KCNH6: variants seen among roughly 807,000 people sequenced by gnomAD.
KCNH6 encodes voltage-gated inwardly rectifying potassium channel KCNH6.
KCNH6 carries 81 observed loss-of-function variants against 83.4 expected under a neutral mutation model. The observed-to-expected ratio is 0.97, with a 90% CI of 0.81 to 1.17. The LOEUF is 1.17. Ranked by LOEUF, KCNH6 falls within the 50% of genes most tolerant of loss-of-function variation. The pLI is 0.00. For missense variants in KCNH6, 1,203 were observed against 1,290.5 expected, an observed-to-expected ratio of 0.93 and a Z score of 1.04; for synonymous variants, 503 against 545.6, an observed-to-expected ratio of 0.92 and a Z score of 1.09.
At chr17:63,536,970 A>T (rs1165199893) in intron 6 of KCNH6, among the ~76,000 whole-genome samples, 1 of 151,686 alleles carries the variant, frequency 6.6e-6, no homozygotes. Flanking sequence ...AAAAAAAAAA[A>T]AAAAAAAGAA....
rs2147665180 is a variant in KCNH6, at chr17:63,533,369, C to T, written c.676-517C>T. Reference sequence around the variant, plus strand: ...TTTCCATGGGAGGCTCTGAGTTGGCCTCAGAGAGGGCACTCACTGGTCCTG... The same window carrying T: ...TTTCCATGGGAGGCTCTGAGTTGGCTTCAGAGAGGGCACTCACTGGTCCTG... On this transcript the variant is annotated intron_variant, in intron 4 of 12. Coordinates refer to ENST00000314672, the MANE Select transcript of KCNH6 (RefSeq NM_001278919.2). The surrounding 1 kb of genome is among the most constrained non-coding windows in gnomAD (Gnocchi z 4.1). Among the ~76,000 whole-genome samples, 1 of 152,164 alleles carries T rather than the reference C, an allele frequency of 6.6e-6. No homozygotes were observed. The highest frequency in any genetic ancestry group is 3.4e-3 in the Middle Eastern group (1 of 294).
At chr17:63,542,710 A>G (rs1271247255) in intron 9 of KCNH6, among the ~76,000 whole-genome samples, 2 of 152,238 alleles carry the variant, frequency 1.3e-5, no homozygotes, top group Non-Finnish European at 2.9e-5. Flanking sequence ...TGAGGATTAG[A>G]GACAATAAAT....
At chr17:63,532,255 C>T (rs893656258) in intron 4 of KCNH6, among the ~76,000 whole-genome samples, 4 of 152,216 alleles carry the variant, frequency 2.6e-5, no homozygotes, top group African/African-American at 7.2e-5. Flanking sequence ...CCTTGTTTCA[C>T]CCTAGCAGGG....
rs1568069351 is a variant in KCNH6, at chr17:63,530,416, G to A, written c.549G>A (p.Gln183=). 1 of 1,614,248 alleles carries A rather than the reference G, an allele frequency of 6.2e-7. No homozygotes were observed. Among genetic ancestry groups the A allele is most frequent in the Non-Finnish European group, 8.5e-7 (1 of 1,180,046 alleles). ...GKYRTISQIP[Q]FTLNFVEFNL... The stretch of plus-strand genomic sequence containing the variant: ...ACAGGACCATCAGCCAGATCCCACA[G>A]TTCACGCTCAACTTCGTGGAGTTCA... Residue 183 remains glutamine (Q), a synonymous_variant, in exon 4 of 13, where the codon CAG becomes CAA. Transcript: ENST00000314672.
rs745671576 is a variant in KCNH6 at position 63,524,121 on chromosome 17, T to G, written c.77-18T>G. The stretch of plus-strand genomic sequence containing the variant: ...TCCTGGCTCCCATGGACTTTTTGCC[T>G]CCCACCTCCCACCCCAGGTCGGAAG... On this transcript the variant is annotated intron_variant, in intron 1 of 12. Transcript: ENST00000314672. 3.8e-6 allele frequency: 6 copies of G among 1,595,228 alleles called. No homozygotes were observed. Among genetic ancestry groups the G allele is most frequent in the Non-Finnish European group, 5.2e-6 (6 of 1,163,022 alleles).
chr17:63,535,646 T>G lies in KCNH6; in HGVS notation c.1102-23T>G, dbSNP rs1193400803. The G allele has an allele frequency of 2.5e-6, 4 of 1,578,432 alleles. No homozygotes were observed. The highest frequency in any genetic ancestry group is 1.3e-5 in the African/African-American group (1 of 74,418). On this transcript the variant is annotated intron_variant, in intron 5 of 12. Transcript: ENST00000314672. This position sits in a 1 kb window ranked among gnomAD's most constrained non-coding sequence, Gnocchi z 4.9. ...CTTCCAAGGGCTGACCCCAGCCCTG[T>G]GACCATTTCCCTACCCCTCCAGACC... is the stretch of plus-strand genomic sequence containing the variant.
downstream of KCNH6, among the ~76,000 whole-genome samples, chr17:63,547,562 CT>C (rs1348035880): frequency 7.2e-6 from 1 of 138,154 alleles, no homozygotes; most frequent in Non-Finnish European, 1.6e-5. Flanking sequence ...ATAATTCCCA[CT>C]TATTCCTCCC....
chr17:63,538,264 G>C lies in KCNH6; in HGVS notation c.1701G>C (p.Ala567=). ...ACACCAATGGCATTGACATGAACGC[G>C]GTGAGCCCCGCCGCTCCGGCTAATG... ...WSYTNGIDMN[A]VLKGFPECLQ... The change falls in exon 7 of 13, where the codon GCG becomes GCC. Residue 567 remains alanine (A), a splice_region_variant and synonymous_variant. Coordinates refer to ENST00000314672, the MANE Select transcript of KCNH6 (RefSeq NM_001278919.2). The surrounding 1 kb of genome is among the most constrained non-coding windows in gnomAD (Gnocchi z 4.0). 6.2e-7 allele frequency: 1 copy of C among 1,613,184 alleles called. No homozygotes were observed. The highest frequency in any genetic ancestry group is 8.5e-7 in the Non-Finnish European group (1 of 1,179,786).
Position 63,530,423 on chromosome 17 carries a change from C to T in KCNH6, c.556C>T (p.Leu186Phe), listed in dbSNP as rs1333666500. Reference sequence around the variant, plus strand: ...CATCAGCCAGATCCCACAGTTCACGCTCAACTTCGTGGAGTTCAACTTGGA... The same window carrying T: ...CATCAGCCAGATCCCACAGTTCACGTTCAACTTCGTGGAGTTCAACTTGGA... ...RTISQIPQFTLNFVEFNLEKH... is the reference protein window; with the variant it reads ...RTISQIPQFTFNFVEFNLEKH... Residue 186 changes from leucine (L) to phenylalanine (F), a missense_variant, in exon 4 of 13, where the codon CTC (leucine) becomes TTC (phenylalanine). By Grantham distance (22) the Leu-to-Phe change is conservative (BLOSUM62 0). Transcript: ENST00000314672. The T allele has an allele frequency of 5.6e-6, 9 of 1,614,244 alleles. No individual in the cohort carries two copies. Among genetic ancestry groups the T allele is most frequent in the Non-Finnish European group, 7.6e-6 (9 of 1,180,044 alleles).
downstream of KCNH6, among the ~76,000 whole-genome samples, chr17:63,547,240 TAA>T (rs1217613922): frequency 6.6e-6 from 1 of 151,578 alleles, no homozygotes; most frequent in Non-Finnish European, 1.5e-5. Flanking sequence ...AAAATAAAAA[TAA>T]AAAAAGAGGC....
At position 63,538,131 on chromosome 17, in the gene KCNH6, C is replaced by A; in HGVS notation, c.1568C>A (p.Ala523Glu). The A allele has an allele frequency of 5.0e-6, 8 of 1,614,152 alleles. No homozygotes were observed. The highest frequency in any genetic ancestry group is 6.8e-6 in the Non-Finnish European group (8 of 1,180,036). Reference sequence around the variant, plus strand: ...ATCCAGCGCCTGTACTCGGGCACCGCGCGCTACCACACGCAGATGCTGCGT... The same window carrying A: ...ATCCAGCGCCTGTACTCGGGCACCGAGCGCTACCACACGCAGATGCTGCGT... ...AIIQRLYSGTARYHTQMLRVK... is the reference protein window; with the variant it reads ...AIIQRLYSGTERYHTQMLRVK... The change falls in exon 7 of 13, where the codon GCG (alanine) becomes GAG (glutamate). Residue 523 changes from alanine to glutamate, a missense_variant. Physicochemically the swap from Ala to Glu is moderately radical, Grantham distance 107. Coordinates refer to ENST00000314672, the MANE Select transcript of KCNH6 (RefSeq NM_001278919.2). This position sits in a 1 kb window ranked among gnomAD's most constrained non-coding sequence, Gnocchi z 4.0.
At position 63,535,884 on chromosome 17, in the gene KCNH6, C is replaced by A. The variant is rs753371532; in HGVS notation, c.1317C>A (p.Ser439Arg). The A allele has an allele frequency of 1.1e-5, 18 of 1,614,110 alleles. No individual in the cohort carries two copies. In the South Asian group the frequency reaches 2.0e-4, roughly 18 times the overall value. Residue 439 changes from serine to arginine, a missense_variant, in exon 6 of 13, where the codon AGC becomes AGA. Transcript: ENST00000314672. This position sits in a 1 kb window ranked among gnomAD's most constrained non-coding sequence, Gnocchi z 4.9. ...YLEHKIGWLD[S>R]LGVQLGKRYN... ...AACACAAGATCGGCTGGCTGGACAG[C>A]CTGGGTGTGCAGCTTGGCAAGCGCT...
rs2147701047 is a variant in KCNH6 at position 63,538,323 on chromosome 17, G to A, written c.1701+59G>A. The A allele has an allele frequency of 6.2e-7, 1 of 1,609,504 alleles. No individual in the cohort carries two copies. Among genetic ancestry groups the A allele is most frequent in the Admixed American group, 1.7e-5 (1 of 59,926 alleles). ...GTGGGGGGGAGCCAAGATCCTGCGG[G>A]GGCGGGGCGTCCCCAGAGCCCTCAC... On this transcript the variant is annotated intron_variant, in intron 7 of 12. Coordinates refer to ENST00000314672, the MANE Select transcript of KCNH6 (RefSeq NM_001278919.2). This position sits in a 1 kb window ranked among gnomAD's most constrained non-coding sequence, Gnocchi z 4.0.
At chr17:63,537,332 G>A (rs957802815) in intron 6 of KCNH6, among the ~76,000 whole-genome samples, 2 of 152,232 alleles carry the variant, frequency 1.3e-5, no homozygotes, top group African/African-American at 4.8e-5. Flanking sequence ...CATAGATTGA[G>A]TTGTGATGTT....
In KCNH6 at chr17:63,538,556, G is replaced by T. The variant is rs1037219434; in HGVS notation, c.1848G>T (p.Pro616=). 1.9e-6 allele frequency: 3 copies of T among 1,612,164 alleles called. No individual in the cohort carries two copies. The highest frequency in any genetic ancestry group is 2.5e-6 in the Non-Finnish European group (3 of 1,179,350). Residue 616 remains proline, a synonymous_variant, in exon 8 of 13, where the codon CCG becomes CCT. Coordinates refer to ENST00000314672, the MANE Select transcript of KCNH6 (RefSeq NM_001278919.2). The surrounding 1 kb of genome is among the most constrained non-coding windows in gnomAD (Gnocchi z 4.0). ...TCAAGTTCAAGACCACCCACGCGCC[G>T]CCTGGGGACACGCTGGTGCACCTCG... ...LAVKFKTTHA[P]PGDTLVHLGD...
chr17:63,523,400 G>T lies in KCNH6; in HGVS notation c.-14G>T. 1 of 1,587,162 alleles carries T rather than the reference G, an allele frequency of 6.3e-7. No individual in the cohort carries two copies. ...GTGGCGCCTGTGGCTCCGGGCAGGGGCCGCGGCCGAAAGATGCCGGTCCGC... is the reference window on the plus strand; with the variant it reads ...GTGGCGCCTGTGGCTCCGGGCAGGGTCCGCGGCCGAAAGATGCCGGTCCGC... On this transcript the variant is annotated 5_prime_UTR_variant, in exon 1 of 13. Coordinates refer to ENST00000314672, the MANE Select transcript of KCNH6 (RefSeq NM_001278919.2). The surrounding 1 kb of genome is among the most constrained non-coding windows in gnomAD (Gnocchi z 4.2).
chr17:63,544,303 T>G lies in KCNH6; in HGVS notation c.2288T>G (p.Leu763Arg). The G allele has an allele frequency of 6.2e-7, 1 of 1,611,310 alleles. No homozygotes were observed. Among genetic ancestry groups the G allele is most frequent in the Non-Finnish European group, 8.5e-7 (1 of 1,178,728 alleles). The change falls in exon 11 of 13, where the codon CTG becomes CGG. Residue 763 changes from leucine (L) to arginine (R), a missense_variant. By Grantham distance (102) the Leu-to-Arg change is moderately radical (BLOSUM62 -2). Transcript: ENST00000314672. ...GCATCTGGCCTCTGGCCTGAGCTAC[T>G]GCAGGAAATGCCCCCAAGGCACAGC... ...SDASGLWPEL[L>R]QEMPPRHSPQ...
chr17:63,530,860 C>T (rs950661557), intron 4 of KCNH6, among the ~76,000 whole-genome samples: 1 of 152,192 alleles, frequency 6.6e-6, no homozygotes, highest in Non-Finnish European at 1.5e-5. Flanking sequence ...CCATGGGGGC[C>T]TGACCAAGGC....
Position 63,534,225 on chromosome 17 carries a change from G to T in KCNH6, c.1015G>T (p.Val339Phe), listed in dbSNP as rs199890747. The change falls in exon 5 of 13, where the codon GTC becomes TTC. Residue 339 changes from valine (V) to phenylalanine (F), a missense_variant. Coordinates refer to ENST00000314672, the MANE Select transcript of KCNH6 (RefSeq NM_001278919.2). The surrounding 1 kb of genome is among the most constrained non-coding windows in gnomAD (Gnocchi z 5.0). The stretch of plus-strand genomic sequence containing the variant: ...GGTCAGCCACCCCCGCCGCATCGCC[G>T]TCCACTACTTCAAGGGCTGGTTCCT... ...EVVSHPRRIA[V>F]HYFKGWFLID... 1 of 1,614,122 alleles carries T rather than the reference G, an allele frequency of 6.2e-7. No homozygotes were observed. Among genetic ancestry groups the T allele is most frequent in the Non-Finnish European group, 8.5e-7 (1 of 1,179,994 alleles).
Sources: gnomAD v4.1 joint callset for allele counts (sites outside exome capture counted in the v4.1 genomes callset) on GRCh38, gnomAD v4.1.1 for gene constraint, Gnocchi (gnomAD v3.1) non-coding constraint, MANE v1.5 for transcripts, NCBI Gene and HGNC (gene_info 2026-07-23, HGNC 2026-07-21) for gene names.